Variants in TENM2 observed in about 807,000 individuals in gnomAD.
TENM2 encodes the protein teneurin-2.
A neutral mutation model predicts 245.2 loss-of-function variants in TENM2; 52 were observed. The ratio of observed to expected loss-of-function variants is 0.21; its 90% confidence interval spans 0.17 to 0.27. The LOEUF is 0.27. Ranked by LOEUF, TENM2 falls within the 10% of genes least tolerant of loss-of-function variation. The pLI is 1.00. For synonymous variants in TENM2, 1,363 were observed against 1,438.9 expected (o/e 0.95, Z 1.19); for missense variants, 3,046 against 3,666.8 (o/e 0.83, Z 4.37).
chr5:167,076,870 G>A, the TENM2 span, among the ~76,000 whole-genome samples: 5 of 151,770 alleles, frequency 3.3e-5, no homozygotes, highest in Non-Finnish European at 7.4e-5. Flanking sequence ...ACAGAGTCTC[G>A]CCCTCTGTTG....
the TENM2 span, among the ~76,000 whole-genome samples, chr5:167,163,669 C>T: frequency 3.3e-5 from 5 of 152,148 alleles, no homozygotes; most frequent in African/African-American, 9.7e-5. Flanking sequence ...CTGCTGATTA[C>T]GGTAACCACA....
chr5:167,421,816 G>A (rs1763524317), intron 2 of TENM2, among the ~76,000 whole-genome samples: 1 of 152,058 alleles, frequency 6.6e-6, no homozygotes, highest in African/African-American at 2.4e-5. Flanking sequence ...GTTTTGAGAT[G>A]GAGTCTCCCT....
chr5:167,298,548 G>A (rs1471940144), intron 1 of TENM2, among the ~76,000 whole-genome samples: 1 of 152,206 alleles, frequency 6.6e-6, no homozygotes, highest in Non-Finnish European at 1.5e-5. Context: ...AGCCTGCAGT[G>A]AGCCGAGATC....
chr5:167,956,435 CCTGT>C (rs1374349602), intron 4 of TENM2, among the ~76,000 whole-genome samples: 3 of 152,146 alleles, frequency 2.0e-5, no homozygotes, highest in African/African-American at 7.2e-5. Context: ...AATTTGACCT[CCTGT>C]CTTCCTATTT....
the TENM2 span, among the ~76,000 whole-genome samples, chr5:167,218,669 G>GA: frequency 4.6e-4 from 70 of 152,074 alleles, no homozygotes; most frequent in Non-Finnish European, 8.5e-4. Context: ...CACAAGAAAA[G>GA]AAAAAATAAA....
chr5:168,053,577 C>T (rs1420783226), intron 6 of TENM2, among the ~76,000 whole-genome samples: 2 of 152,028 alleles, frequency 1.3e-5, no homozygotes, highest in African/African-American at 4.8e-5. Context: ...ACACAAAATG[C>T]AAATAAAAAT....
chr5:167,380,014 A>G (rs1761003290), intron 2 of TENM2, among the ~76,000 whole-genome samples: 1 of 151,686 alleles, frequency 6.6e-6, no homozygotes, highest in Non-Finnish European at 1.5e-5. Context: ...TTTATTTTAT[A>G]TACCTGTACA....
chr5:167,040,900 A>G, the TENM2 span, among the ~76,000 whole-genome samples: 1 of 152,314 alleles, frequency 6.6e-6, no homozygotes, highest in East Asian at 1.9e-4. Context: ...GTGTCTGTAT[A>G]TCATAAGCCT....
intron 1 of TENM2, among the ~76,000 whole-genome samples, chr5:167,373,863 A>G (rs77197678): frequency 0.027 from 4,120 of 152,284 alleles, 188 homozygotes; most frequent in African/African-American, 0.094. Flanking sequence ...GCCTAAAGGT[A>G]TCTGGCCCAT....
At chr5:167,858,234 A>C (rs1771272278) in intron 2 of TENM2, among the ~76,000 whole-genome samples, 1 of 152,384 alleles carries the variant, frequency 6.6e-6, no homozygotes, top group African/African-American at 2.4e-5. Flanking sequence ...AAGAGCCACA[A>C]CAGCCTTTGT....
the TENM2 span, among the ~76,000 whole-genome samples, chr5:167,141,331 G>A: frequency 6.6e-6 from 1 of 152,168 alleles, no homozygotes; most frequent in African/African-American, 2.4e-5. Context: ...TTTCTTGATG[G>A]AAATGATTGT....
At chr5:167,717,772 G>A (rs965903227) in intron 2 of TENM2, among the ~76,000 whole-genome samples, 2 of 152,088 alleles carry the variant, frequency 1.3e-5, no homozygotes, top group African/African-American at 2.4e-5. Context: ...TCTGCAAAGC[G>A]GGATTGATTA....
intron 1 of TENM2, among the ~76,000 whole-genome samples, chr5:167,369,137 A>G (rs1054540990): frequency 6.6e-6 from 1 of 152,150 alleles, no homozygotes; most frequent in African/African-American, 2.4e-5. Flanking sequence ...TTTGGAACAT[A>G]TGAGGCAAAA....
At chr5:167,373,173 A>G (rs1396854572) in intron 1 of TENM2, among the ~76,000 whole-genome samples, 2 of 152,226 alleles carry the variant, frequency 1.3e-5, no homozygotes, top group Non-Finnish European at 2.9e-5. Context: ...CATTTACACA[A>G]CCAAATTAGG....
intron 2 of TENM2, among the ~76,000 whole-genome samples, chr5:167,760,798 C>A (rs188015153): frequency 7.5e-4 from 114 of 152,242 alleles, no homozygotes; most frequent in Non-Finnish European, 9.1e-4. Context: ...GGATTACAGG[C>A]GCGTGCCACG....
intron 3 of TENM2, among the ~76,000 whole-genome samples, chr5:167,892,222 A>G (rs922841626): frequency 6.6e-6 from 1 of 152,212 alleles, no homozygotes; most frequent in Non-Finnish European, 1.5e-5. Context: ...ACTTGAAAAA[A>G]TTATTTTCCA....
intron 3 of TENM2, among the ~76,000 whole-genome samples, chr5:167,943,834 T>C (rs1779382370): frequency 6.6e-6 from 1 of 152,164 alleles, no homozygotes; most frequent in Non-Finnish European, 1.5e-5. Context: ...AAATCATTAC[T>C]TTCTACTGAT....
Position 167,533,667 on chromosome 5 carries a change from C to T in TENM2, c.502+158194C>T, listed in dbSNP as rs146494620. Reference sequence around the variant, plus strand: ...TAGAAATGGGGTCTAGTTATGTTGCCCAGGCTGATCTCAAATTCCTGAGCT... The same window carrying T: ...TAGAAATGGGGTCTAGTTATGTTGCTCAGGCTGATCTCAAATTCCTGAGCT... On this transcript the variant is annotated intron_variant, in intron 2 of 28. Transcript: ENST00000518659. 4.0e-3 allele frequency among the ~76,000 whole-genome samples: 606 copies of T among 152,046 alleles called. 3 individuals carry two copies. Among genetic ancestry groups the T allele is most frequent in the Non-Finnish European group, 7.2e-3 (490 of 67,976 alleles).
intron 2 of TENM2, among the ~76,000 whole-genome samples, chr5:167,455,192 G>C (rs1319121622): frequency 1.3e-5 from 2 of 152,108 alleles, no homozygotes; most frequent in East Asian, 3.9e-4. Flanking sequence ...GAAGCAGGAG[G>C]AATTCCTTCT....
Sources: gnomAD v4.1 joint callset for allele counts (sites outside exome capture counted in the v4.1 genomes callset) on GRCh38, gnomAD v4.1.1 for gene constraint, MANE v1.5 for transcripts, NCBI Gene and HGNC (gene_info 2026-07-23, HGNC 2026-07-21) for gene names.